CHRNA3: variants seen among roughly 807,000 people sequenced by gnomAD.
CHRNA3 encodes the protein neuronal acetylcholine receptor subunit alpha-3.
CHRNA3 carries 34 observed loss-of-function variants against 41.9 expected under a neutral mutation model. The observed-to-expected ratio is 0.81, with a 90% CI of 0.62 to 1.08. The LOEUF (loss-of-function observed/expected upper bound fraction) is 1.08. CHRNA3 is among the 50% of genes least tolerant of loss of function. The probability of loss-of-function intolerance (pLI) is 0.00; values close to 1 mark genes in which losing one functional copy is unlikely to be tolerated. For synonymous variants in CHRNA3, 281 were observed against 265.2 expected, an observed-to-expected ratio of 1.06 and a Z score of -0.58; for missense variants, 542 against 638.3, an observed-to-expected ratio of 0.85 and a Z score of 1.63.
At chr15:78,593,058 A>G (rs764603712), downstream of CHRNA3, 35 of 1,592,032 alleles carry the variant, frequency 2.2e-5, no homozygotes, top group Non-Finnish European at 2.9e-5. Flanking sequence ...ACAATTTACA[A>G]TTATTTAATG....
At chr15:78,620,676 GC>G in intron 1 of CHRNA3, 36 bp downstream of exon 1, 5 of 1,498,952 alleles carry the variant, frequency 3.3e-6, no homozygotes, top group Non-Finnish European at 4.4e-6. Context: ...CTTCTCGGGC[GC>G]CCGTCCCTCC....
At chr15:78,615,240 G>C (rs1423557090) in intron 4 of CHRNA3, among the ~76,000 whole-genome samples, 2 of 152,198 alleles carry the variant, frequency 1.3e-5, no homozygotes, top group African/African-American at 4.8e-5. Context: ...CCAAGGCCCA[G>C]ACCTTTTCCC....
rs1465273634 is a variant in CHRNA3 at position 78,595,556 on chromosome 15, T to G, written c.*1048A>C. 9.2e-6 allele frequency: 2 copies of G among 218,208 alleles called. No individual in the cohort carries two copies. Among genetic ancestry groups the G allele is most frequent in the Admixed American group, 1.3e-4 (2 of 15,326 alleles). The allele number at this position is 218,208 out of a possible 1,614,324, so 13.5% of individuals were successfully genotyped here. On this transcript the variant is annotated 3_prime_UTR_variant, in exon 6 of 6. Coordinates refer to ENST00000326828, the MANE Select transcript of CHRNA3 (RefSeq NM_000743.5). ...GAAGAAGCAAGGTATGTCATTGGCA[T>G]CTAGTGAGTTGAGGCTAGGGTACTG...
At chr15:78,599,389 A>T (rs1000990634) in intron 5 of CHRNA3, among the ~76,000 whole-genome samples, 2 of 152,174 alleles carry the variant, frequency 1.3e-5, no homozygotes, top group African/African-American at 4.8e-5. Context: ...GCCCAGAAGC[A>T]TGAGAAGACT....
chr15:78,616,610 T>C (rs565074631), intron 4 of CHRNA3, among the ~76,000 whole-genome samples: 1 of 152,238 alleles, frequency 6.6e-6, no homozygotes, highest in Admixed American at 6.5e-5. Context: ...CCTTGGCCCA[T>C]GGATCTTTCC....
intron 4 of CHRNA3, among the ~76,000 whole-genome samples, chr15:78,609,326 A>G (rs1486687242): frequency 6.6e-6 from 1 of 152,146 alleles, no homozygotes; most frequent in East Asian, 1.9e-4. Flanking sequence ...GGCAGCCAGA[A>G]AGAAAGGTCG....
chr15:78,618,495 G>T, intron 3 of CHRNA3, 122 bp downstream of exon 3: 2 of 1,102,066 alleles, frequency 1.8e-6, no homozygotes, highest in Non-Finnish European at 1.4e-6. Context: ...CCAGTCAGTG[G>T]ACCCCAATCT....
intron 4 of CHRNA3, 32 bp downstream of exon 4, chr15:78,616,983 GCTGACAGCC>G: frequency 6.9e-7 from 1 of 1,450,322 alleles, no homozygotes. Context: ...CAGAGCCCAG[GCTGACAGCC>G]CTGAGAGGGC....
chr15:78,602,554 C>T (rs3743077), intron 4 of CHRNA3, among the ~76,000 whole-genome samples: 47,411 of 152,080 alleles, frequency 0.31, 8,500 homozygotes, highest in Non-Finnish European at 0.42. Context: ...CCCAAATGCC[C>T]GAAGAGGATT....
chr15:78,618,689 A>G, intron 2 of CHRNA3, 28 bp from the exon 3 acceptor site: 1 of 1,612,670 alleles, frequency 6.2e-7, no homozygotes, highest in Non-Finnish European at 8.5e-7. Flanking sequence ...AGTTGACAGG[A>G]GAATTACAAA....
chr15:78,604,738 T>C (rs928062608), intron 4 of CHRNA3, among the ~76,000 whole-genome samples: 3 of 152,070 alleles, frequency 2.0e-5, no homozygotes, highest in Non-Finnish European at 4.4e-5. Context: ...GAAAGCTGGG[T>C]GTGGTGGCTC....
At chr15:78,600,923 T>C (rs1406259163) in intron 5 of CHRNA3, among the ~76,000 whole-genome samples, 2 of 152,072 alleles carry the variant, frequency 1.3e-5, no homozygotes, top group Admixed American at 1.3e-4. Flanking sequence ...TAACTGGAGA[T>C]CATCTGGCCC....
chr15:78,596,795 A>G lies in CHRNA3; in HGVS notation c.1390-63T>C, dbSNP rs1404867538. On this transcript the variant is annotated intron_variant, in intron 5 of 5. Coordinates refer to ENST00000326828, the MANE Select transcript of CHRNA3 (RefSeq NM_000743.5). ...GGAAAGGCAAATGAATACATTTTCAATACTGAAGATGTAATCAACACGTTG... is the reference window on the plus strand; with the variant it reads ...GGAAAGGCAAATGAATACATTTTCAGTACTGAAGATGTAATCAACACGTTG... The G allele has an allele frequency of 3.1e-5, 48 of 1,548,380 alleles. No homozygotes were observed. The Admixed American group carries it at 9.5e-4, about 31-fold the overall frequency.
Position 78,596,731 on chromosome 15 carries a change from ATC to A in CHRNA3, c.1390-1_1390del. ...GGCAACATACTTCCAATCATCTTGAATCTGCAAAACAAAATGATAAAAGAAAA... is the reference window on the plus strand; with the variant it reads ...GGCAACATACTTCCAATCATCTTGAATGCAAAACAAAATGATAAAAGAAAA... On this transcript the variant is annotated splice_acceptor_variant and coding_sequence_variant, in exon 6 of 6. Coordinates refer to ENST00000326828, the MANE Select transcript of CHRNA3 (RefSeq NM_000743.5). LOFTEE classifies it high-confidence loss of function. 2 of 1,600,168 alleles carry A rather than the reference ATC, an allele frequency of 1.2e-6. No individual in the cohort carries two copies. Among genetic ancestry groups the A allele is most frequent in the Admixed American group, 3.6e-5 (2 of 55,218 alleles).
At chr15:78,597,695 A>G (rs2053135054) in intron 5 of CHRNA3, among the ~76,000 whole-genome samples, 1 of 152,198 alleles carries the variant, frequency 6.6e-6, no homozygotes, top group African/African-American at 2.4e-5. Context: ...TACAGCTTCA[A>G]TTTGGGCTTG....
At chr15:78,604,528 C>G (rs1352294739) in intron 4 of CHRNA3, among the ~76,000 whole-genome samples, 1 of 152,182 alleles carries the variant, frequency 6.6e-6, no homozygotes, top group Non-Finnish European at 1.5e-5. Context: ...ACTGTGGCTG[C>G]TGCCCACAGC....
chr15:78,613,982 A>G (rs2053425412), intron 4 of CHRNA3, among the ~76,000 whole-genome samples: 1 of 152,042 alleles, frequency 6.6e-6, no homozygotes, highest in African/African-American at 2.4e-5. Context: ...AATCCTTAAC[A>G]GAGGGTGAAT....
At chr15:78,606,951 G>T (rs763376985) in intron 4 of CHRNA3, among the ~76,000 whole-genome samples, 1 of 152,068 alleles carries the variant, frequency 6.6e-6, no homozygotes, top group South Asian at 2.1e-4. Flanking sequence ...AAGCAGTCTG[G>T]GTGTGATGGC....
At chr15:78,610,887 A>G (rs1408678519) in intron 4 of CHRNA3, among the ~76,000 whole-genome samples, 1 of 152,218 alleles carries the variant, frequency 6.6e-6, no homozygotes, top group Non-Finnish European at 1.5e-5. Flanking sequence ...GATAAAGGGG[A>G]TATCACCACC....
Sources: allele counts gnomAD v4.1 joint callset (sites outside exome capture counted in the v4.1 genomes callset), GRCh38; gene constraint gnomAD v4.1.1; transcripts MANE v1.5; gene names NCBI Gene and HGNC (gene_info 2026-07-23, HGNC 2026-07-21).